The following AFG2A variants were observed in gnomAD, a reference collection of about 807,000 sequenced individuals.
AFG2A encodes ATPase family gene 2 protein homolog A.
At chr4:123,276,798 A>G in the AFG2A span, among the ~76,000 whole-genome samples, 2 of 151,862 alleles carry the variant, frequency 1.3e-5, no homozygotes, top group African/African-American at 4.8e-5. Context: ...TTGTAGGCAT[A>G]TGGTCTTATT....
chr4:123,111,345 G>A, the AFG2A span, among the ~76,000 whole-genome samples: 8 of 151,910 alleles, frequency 5.3e-5, no homozygotes, highest in Non-Finnish European at 8.8e-5. Context: ...GACACCCCTC[G>A]TATTTTACAT....
chr4:122,932,736 G>A, the AFG2A span, among the ~76,000 whole-genome samples: 3 of 152,050 alleles, frequency 2.0e-5, no homozygotes, highest in East Asian at 3.9e-4. Flanking sequence ...TAGGAAGGAG[G>A]GGATCTCATT....
the AFG2A span, among the ~76,000 whole-genome samples, chr4:122,990,689 A>G: frequency 5.3e-5 from 8 of 152,298 alleles, no homozygotes; most frequent in Non-Finnish European, 1.5e-5. Context: ...TCTCTGCTCA[A>G]ACGATCCTCC....
chr4:123,199,095 A>T, the AFG2A span, among the ~76,000 whole-genome samples: 1 of 152,178 alleles, frequency 6.6e-6, no homozygotes, highest in African/African-American at 2.4e-5. Context: ...TACAGAATTC[A>T]TACTTAACCT....
At chr4:123,200,601 C>A in the AFG2A span, among the ~76,000 whole-genome samples, 1 of 152,178 alleles carries the variant, frequency 6.6e-6, no homozygotes, top group Non-Finnish European at 1.5e-5. Context: ...GCTTGGCCTT[C>A]AGTTTGGAAT....
the AFG2A span, among the ~76,000 whole-genome samples, chr4:123,214,234 A>G: frequency 6.6e-6 from 1 of 152,174 alleles, no homozygotes; most frequent in Non-Finnish European, 1.5e-5. Context: ...ATAATATCAA[A>G]TACATTTATT....
the AFG2A span, among the ~76,000 whole-genome samples, chr4:123,259,304 G>T: frequency 3.9e-5 from 6 of 152,154 alleles, no homozygotes; most frequent in African/African-American, 7.2e-5. Flanking sequence ...GCTCCTTCTG[G>T]TCAAAGTTAC....
the AFG2A span, among the ~76,000 whole-genome samples, chr4:123,254,239 T>C: frequency 4.6e-5 from 7 of 152,190 alleles, no homozygotes; most frequent in African/African-American, 1.7e-4. Flanking sequence ...GTTTTTCTTT[T>C]ATACTTCTAG....
At chr4:122,942,549 G>A in the AFG2A span, among the ~76,000 whole-genome samples, 6 of 151,778 alleles carry the variant, frequency 4.0e-5, no homozygotes, top group South Asian at 2.1e-4. Flanking sequence ...TCTTGCTAGC[G>A]GTCTATCAAT....
chr4:123,042,634 C>G, the AFG2A span, among the ~76,000 whole-genome samples: 1 of 152,050 alleles, frequency 6.6e-6, no homozygotes, highest in African/African-American at 2.4e-5. Context: ...TCCCTTTTCT[C>G]CTCTTTTCTT....
chr4:123,048,148 T>C, the AFG2A span, among the ~76,000 whole-genome samples: 1 of 152,200 alleles, frequency 6.6e-6, no homozygotes, highest in Non-Finnish European at 1.5e-5. Flanking sequence ...TTGATGCCCT[T>C]GTCGAAAATG....
the AFG2A span, among the ~76,000 whole-genome samples, chr4:123,005,307 C>T: frequency 1.8e-4 from 27 of 152,102 alleles, no homozygotes; most frequent in Non-Finnish European, 3.2e-4. Context: ...TGCACCATCA[C>T]GCCTGGCTAA....
At chr4:123,043,825 T>A in the AFG2A span, among the ~76,000 whole-genome samples, 1 of 152,226 alleles carries the variant, frequency 6.6e-6, no homozygotes, top group South Asian at 2.1e-4. Flanking sequence ...AGGAGGACTC[T>A]GGTGAAGCTT....
chr4:123,024,687 A>G, the AFG2A span, among the ~76,000 whole-genome samples: 59 of 152,346 alleles, frequency 3.9e-4, no homozygotes, highest in Non-Finnish European at 7.3e-4. Flanking sequence ...AGCAAGGGCA[A>G]GACCTCTGGA....
chr4:123,246,548 G>T, the AFG2A span, among the ~76,000 whole-genome samples: 4 of 151,726 alleles, frequency 2.6e-5, no homozygotes, highest in Non-Finnish European at 5.9e-5. Flanking sequence ...CTACCTTCAT[G>T]TCCCCATGTT....
chr4:123,309,113 T>G, the AFG2A span, among the ~76,000 whole-genome samples: 1 of 152,236 alleles, frequency 6.6e-6, no homozygotes, highest in East Asian at 1.9e-4. Context: ...TCCCAAAGTA[T>G]GTGCCAAAGA....
the AFG2A span, among the ~76,000 whole-genome samples, chr4:122,936,758 T>A: frequency 6.6e-6 from 1 of 152,160 alleles, no homozygotes; most frequent in African/African-American, 2.4e-5. Flanking sequence ...GGCAGGCAGA[T>A]CACCTGAGGT....
the AFG2A span, among the ~76,000 whole-genome samples, chr4:122,951,577 T>C: frequency 5.9e-5 from 9 of 152,188 alleles, no homozygotes; most frequent in Non-Finnish European, 1.3e-4. Flanking sequence ...ACAATTTTCC[T>C]TAAGGAATGT....
chr4:123,047,331 C>T, the AFG2A span, among the ~76,000 whole-genome samples: 1 of 152,106 alleles, frequency 6.6e-6, no homozygotes, highest in Admixed American at 6.6e-5. Flanking sequence ...TCTTGATTTG[C>T]ATTTCCATGA....
Sources: gnomAD v4.1 joint callset for allele counts (sites outside exome capture counted in the v4.1 genomes callset) on GRCh38, gnomAD v4.1.1 for gene constraint, MANE v1.5 for transcripts, NCBI Gene and HGNC (gene_info 2026-07-23, HGNC 2026-07-21) for gene names.